The following RRP12 variants were observed in gnomAD, a reference collection of about 807,000 sequenced individuals.
RRP12 encodes the protein RRP12-like protein.
Under a neutral mutation model 157.3 loss-of-function variants are expected in RRP12, and 78 were observed. The observed-to-expected ratio is 0.50, with a 90% CI of 0.41 to 0.60. The LOEUF (loss-of-function observed/expected upper bound fraction) is 0.60, where lower values mean the gene tolerates loss of function less well. Ranked by LOEUF, RRP12 falls within the 20% of genes least tolerant of loss-of-function variation. The probability of loss-of-function intolerance (pLI) is 0.00; values close to 1 mark genes in which losing one functional copy is unlikely to be tolerated. For missense variants in RRP12, 1,521 were observed against 1,679.9 expected (o/e 0.91, Z 1.65); for synonymous variants, 726 against 670.9 (o/e 1.08, Z -1.27).
Position 97,400,677 on chromosome 10 carries a change from G to A in RRP12, c.140-143C>T. The A allele has an allele frequency of 4.5e-6, 3 of 663,574 alleles. No individual in the cohort carries two copies. The South Asian group carries it at 5.8e-5, about 13-fold the overall frequency. The allele number at this position is 663,574 out of a possible 1,614,324, so 41.1% of individuals were successfully genotyped here. On this transcript the variant is annotated intron_variant, in intron 1 of 33. Transcript: ENST00000370992. ...ACACAGCCAGTCTCATAAAACCACT[G>A]TATGCCTAAAAACTTGAAAAACCAA...
At position 97,373,570 on chromosome 10, in the gene RRP12, C is replaced by A; in HGVS notation, c.2026+5G>T. 1 of 1,592,136 alleles carries A rather than the reference C, an allele frequency of 6.3e-7. No individual in the cohort carries two copies. Among genetic ancestry groups the A allele is most frequent in the Non-Finnish European group, 8.6e-7 (1 of 1,166,558 alleles). On this transcript the variant is annotated splice_donor_5th_base_variant and intron_variant, in intron 17 of 33. Coordinates refer to ENST00000370992, the MANE Select transcript of RRP12 (RefSeq NM_015179.4). ...CCAGCCCCCACTCCCACAGCCCACA[C>A]GTACCTGCCTGGCAGCCCTTGGTGA...
At chr10:97,376,943 G>A (rs932011713) in intron 15 of RRP12, among the ~76,000 whole-genome samples, 17 of 149,930 alleles carry the variant, frequency 1.1e-4, no homozygotes, top group African/African-American at 3.9e-4. Context: ...GAAGTGGTGC[G>A]ATCTTGGCTC....
intron 2 of RRP12, among the ~76,000 whole-genome samples, chr10:97,399,360 G>T (rs1845073848): frequency 6.6e-6 from 1 of 152,100 alleles, no homozygotes. Flanking sequence ...TACATATGTG[G>T]CTTGAATTTA....
chr10:97,374,333 C>G (rs976819300), intron 15 of RRP12, among the ~76,000 whole-genome samples: 9 of 152,122 alleles, frequency 5.9e-5, no homozygotes, highest in Non-Finnish European at 1.0e-4. Context: ...CCACACCCAC[C>G]TAACTTTTTG....
chr10:97,369,336 T>C, intron 25 of RRP12, 89 bp downstream of exon 25: 1 of 1,364,352 alleles, frequency 7.3e-7, no homozygotes, highest in Non-Finnish European at 1.0e-6. Flanking sequence ...AAAAATAGTT[T>C]GAAACTTGCT....
intron 22 of RRP12, 56 bp downstream of exon 22, chr10:97,370,660 G>A (rs1844121334): frequency 6.3e-7 from 1 of 1,597,138 alleles, no homozygotes; most frequent in Admixed American, 1.7e-5. Flanking sequence ...TGGATCCTGA[G>A]GCCCTTAAGA....
At chr10:97,383,570 G>A (rs1440299051) in intron 10 of RRP12, among the ~76,000 whole-genome samples, 1 of 152,238 alleles carries the variant, frequency 6.6e-6, no homozygotes. Context: ...AGGTCTAAGA[G>A]GCCCTTGCCT....
At chr10:97,368,482 C>T (rs577025865) in intron 25 of RRP12, among the ~76,000 whole-genome samples, 59 of 151,636 alleles carry the variant, frequency 3.9e-4, no homozygotes, top group African/African-American at 8.2e-4. Context: ...CTCAGCCTCC[C>T]GAGTAGCTGG....
chr10:97,382,970 C>T (rs149578121), intron 10 of RRP12, among the ~76,000 whole-genome samples: 13 of 152,242 alleles, frequency 8.5e-5, no homozygotes, highest in African/African-American at 3.1e-4. Context: ...CCATTTTGGC[C>T]AGGCTAGTCT....
Position 97,370,452 on chromosome 10 carries a change from C to T in RRP12, c.2689+3G>A, listed in dbSNP as rs2133046673. 5 of 1,593,190 alleles carry T rather than the reference C, an allele frequency of 3.1e-6. No homozygotes were observed. The highest frequency in any genetic ancestry group is 1.1e-5 in the South Asian group (1 of 88,780). ...TGTCCACCCCCAGCCCCCTGGGCCT[C>T]ACCTTCCTGGTTCGAGCCAAACCTT... On this transcript the variant is annotated splice_donor_region_variant and intron_variant, in intron 23 of 33. Transcript: ENST00000370992.
chr10:97,385,576 C>A (rs1844608536), intron 9 of RRP12, among the ~76,000 whole-genome samples: 1 of 152,098 alleles, frequency 6.6e-6, no homozygotes, highest in Non-Finnish European at 1.5e-5. Flanking sequence ...GGATCTGATC[C>A]CCCCTCCCAA....
intron 4 of RRP12, chr10:97,393,357 TAAC>T (rs1844863095): frequency 1.2e-5 from 6 of 492,710 alleles, no homozygotes; most frequent in South Asian, 9.4e-5. Flanking sequence ...GACTATCAAA[TAAC>T]AACTTTAGAT....
chr10:97,388,550 G>A lies in RRP12; in HGVS notation c.828C>T (p.Ala276=). 2 of 1,614,186 alleles carry A rather than the reference G, an allele frequency of 1.2e-6. No individual in the cohort carries two copies. Among genetic ancestry groups the A allele is most frequent in the African/African-American group, 1.3e-5 (1 of 75,036 alleles). Reference sequence around the variant, plus strand: ...CAGTGGAAATGGCAGCAGGATGATGGGCAGGGGCCTTTTCAAACATGAATT... The same window carrying A: ...CAGTGGAAATGGCAGCAGGATGATGAGCAGGGGCCTTTTCAAACATGAATT... ...GSEFMFEKAP[A]HHPAAISTAK... The change falls in exon 7 of 34, where the codon GCC becomes GCT. Residue 276 remains alanine (A), a synonymous_variant. Coordinates refer to ENST00000370992, the MANE Select transcript of RRP12 (RefSeq NM_015179.4).
intron 31 of RRP12, 82 bp from the exon 32 acceptor site, chr10:97,359,092 G>C (rs1843781674): frequency 2.9e-6 from 3 of 1,045,316 alleles, no homozygotes; most frequent in Non-Finnish European, 4.4e-6. Context: ...CTCTCTGAGA[G>C]AGCTGCAAGG....
intron 30 of RRP12, among the ~76,000 whole-genome samples, chr10:97,362,286 G>C (rs1200265480): frequency 6.6e-6 from 1 of 152,040 alleles, no homozygotes; most frequent in African/African-American, 2.4e-5. Flanking sequence ...AGAAAGCCGT[G>C]GTCGGTTCTC....
At chr10:97,382,180 T>C (rs1468842903) in intron 10 of RRP12, among the ~76,000 whole-genome samples, 1 of 133,088 alleles carries the variant, frequency 7.5e-6, no homozygotes, top group African/African-American at 3.0e-5. Flanking sequence ...CAGTAACTTC[T>C]GCTAACTTTT....
At chr10:97,358,131 G>A (rs1488444230) in intron 33 of RRP12, among the ~76,000 whole-genome samples, 3 of 151,814 alleles carry the variant, frequency 2.0e-5, no homozygotes, top group East Asian at 1.9e-4. Flanking sequence ...TCAAGAGATC[G>A]AGACCATCCC....
Position 97,366,784 on chromosome 10 carries a change from T to C in RRP12, c.3173A>G (p.Glu1058Gly). The part of the protein sequence containing the change: ...LSQAAVEEEE[E>G]EEEEEEPAQG... ...GGCGGGCTCCTCCTCCTCCTCCTCCTCTTCTTCCTCCTCCACGGCAGCCTG... is the reference window on the plus strand; with the variant it reads ...GGCGGGCTCCTCCTCCTCCTCCTCCCCTTCTTCCTCCTCCACGGCAGCCTG... The change falls in exon 27 of 34, where the codon GAG (glutamate) becomes GGG (glycine). Residue 1058 changes from glutamate to glycine, a missense_variant. By Grantham distance (98) the Glu-to-Gly change is moderately conservative. Transcript: ENST00000370992. The C allele has an allele frequency of 6.2e-7, 1 of 1,614,160 alleles. No homozygotes were observed. Among genetic ancestry groups the C allele is most frequent in the Non-Finnish European group, 8.5e-7 (1 of 1,180,006 alleles).
rs772346274 is a variant in RRP12, at chr10:97,401,278, GGGA to G, written c.-50_-48del. On this transcript the variant is annotated 5_prime_UTR_variant, in exon 1 of 34. Transcript: ENST00000370992. Reference sequence around the variant, plus strand: ...AATGAGCTTAAATGACCGGCTTCCAGGGACGTAGAAACACGCTCAGAACCCACG... The same window carrying G: ...AATGAGCTTAAATGACCGGCTTCCAGCGTAGAAACACGCTCAGAACCCACG... The G allele has an allele frequency of 5.6e-6, 9 of 1,611,238 alleles. No homozygotes were observed. Among genetic ancestry groups the G allele is most frequent in the Non-Finnish European group, 7.6e-6 (9 of 1,177,768 alleles).
Sources: gnomAD v4.1 joint callset for allele counts (sites outside exome capture counted in the v4.1 genomes callset) on GRCh38, gnomAD v4.1.1 for gene constraint, MANE v1.5 for transcripts, NCBI Gene and HGNC (gene_info 2026-07-23, HGNC 2026-07-21) for gene names.